The following CACNA1A variants were observed in gnomAD, a reference collection of about 807,000 sequenced individuals.
CACNA1A encodes calcium voltage-gated channel subunit alpha1 A.
Under a neutral mutation model 262.4 loss-of-function variants are expected in CACNA1A, and 57 were observed. The observed-to-expected ratio is 0.22, with a 90% CI of 0.18 to 0.27. CACNA1A has a LOEUF of 0.27. Among genes scored for constraint, CACNA1A ranks in the 10% least tolerant of loss-of-function variants. The pLI, the probability that CACNA1A is intolerant of heterozygous loss-of-function variation, is 1.00. For missense variants in CACNA1A, 2,526 were observed against 3,562.8 expected (o/e 0.71, Z 7.41); for synonymous variants, 1,431 against 1,419.3 (o/e 1.01, Z -0.18).
At position 13,206,944 on chromosome 19, in the gene CACNA1A, G is replaced by GTTTTTTTTTTTTTTTTTTT. The variant is rs532268839; in HGVS notation, c.*350_*368dup. 1.5e-5 allele frequency: 1 copy of GTTTTTTTTTTTTTTTTTTT among 65,112 alleles called. No individual in the cohort carries two copies. The highest frequency in any genetic ancestry group is 2.7e-5 in the Non-Finnish European group (1 of 37,604). The allele number at this position is 65,112 out of a possible 1,614,324, so 4.0% of individuals were successfully genotyped here. A position where few individuals can be genotyped will look rare whatever the true frequency, so the allele number is the denominator to read the frequency against. ...TCTCCCCGTTTTTTCTTTTAAAAAT[G>GTTTTTTTTTTTTTTTTTTT]TTTTTTTTTTTTTTTTTTTTTTTTT... On this transcript the variant is annotated 3_prime_UTR_variant, in exon 47 of 47. Transcript: ENST00000360228.
chr19:13,413,608 T>G (rs1599398472), intron 3 of CACNA1A, among the ~76,000 whole-genome samples: 6 of 127,368 alleles, frequency 4.7e-5, no homozygotes, highest in African/African-American at 6.0e-5. Flanking sequence ...CCAGGCACAG[T>G]GGCTCACACC....
At chr19:13,311,611 G>A (rs1246020436) in intron 12 of CACNA1A, among the ~76,000 whole-genome samples, 1 of 152,330 alleles carries the variant, frequency 6.6e-6, no homozygotes, top group Admixed American at 6.5e-5. Flanking sequence ...GCCAAGGCGG[G>A]TGGATCACGA....
At chr19:13,489,127 TCA>T (rs1980442363) in intron 1 of CACNA1A, among the ~76,000 whole-genome samples, 1 of 145,844 alleles carries the variant, frequency 6.9e-6, no homozygotes, top group Non-Finnish European at 1.5e-5. Flanking sequence ...TTCTCCTGCC[TCA>T]GTCTCCCGAG....
At chr19:13,488,944 T>G (rs1346519215) in intron 1 of CACNA1A, among the ~76,000 whole-genome samples, 1 of 151,608 alleles carries the variant, frequency 6.6e-6, no homozygotes, top group Non-Finnish European at 1.5e-5. Flanking sequence ...ATCGGGCACT[T>G]CAAATGTGGC....
At position 13,415,457 on chromosome 19, in the gene CACNA1A, G is replaced by T. The variant is rs557780904; in HGVS notation, c.539+37419C>A. Among the ~76,000 whole-genome samples, 12 of 151,884 alleles carry T rather than the reference G, an allele frequency of 7.9e-5. No homozygotes were observed. The East Asian group carries it at 2.3e-3, about 29-fold the overall frequency. ...TGGGTCATAACATTTAGAACTAGAT[G>T]AGGCCAGGCGTGGTGGCTCACACCT... On this transcript the variant is annotated intron_variant, in intron 3 of 46. Transcript: ENST00000360228.
At chr19:13,295,231 A>G (rs966133929) in intron 19 of CACNA1A, among the ~76,000 whole-genome samples, 2 of 152,216 alleles carry the variant, frequency 1.3e-5, no homozygotes, top group African/African-American at 2.4e-5. Flanking sequence ...CGAAAGAATG[A>G]CCTAGAACAA....
At chr19:13,254,269 G>C (rs1438362772) in intron 29 of CACNA1A, among the ~76,000 whole-genome samples, 13 of 152,128 alleles carry the variant, frequency 8.5e-5, no homozygotes. Flanking sequence ...AGCACAGGGT[G>C]AAAGGTTTTC....
intron 6 of CACNA1A, among the ~76,000 whole-genome samples, chr19:13,350,848 T>C (rs1026365068): frequency 8.5e-5 from 13 of 152,168 alleles, no homozygotes; most frequent in African/African-American, 3.1e-4. Context: ...ACCAAAAAAA[T>C]ACAATTAGCT....
At chr19:13,365,190 T>C (rs1453382357) in intron 5 of CACNA1A, 127 bp downstream of exon 5, 3 of 770,878 alleles carry the variant, frequency 3.9e-6, no homozygotes, top group Non-Finnish European at 6.5e-6. Flanking sequence ...GCCTCTCCTG[T>C]AGTGCTCTCT....
At chr19:13,353,069 G>A (rs2058944217) in intron 6 of CACNA1A, among the ~76,000 whole-genome samples, 1 of 151,880 alleles carries the variant, frequency 6.6e-6, no homozygotes, top group Non-Finnish European at 1.5e-5. Context: ...CACCATGCCT[G>A]GCCTCCTTGA....
chr19:13,251,680 T>C (rs966673840), intron 30 of CACNA1A, among the ~76,000 whole-genome samples: 3 of 152,208 alleles, frequency 2.0e-5, no homozygotes, highest in Admixed American at 6.5e-5. Context: ...TTGATAATAC[T>C]AATACTAAGG....
chr19:13,253,508 C>A (rs1329714898), intron 29 of CACNA1A, among the ~76,000 whole-genome samples: 1 of 132,174 alleles, frequency 7.6e-6, no homozygotes, highest in Non-Finnish European at 1.5e-5. Flanking sequence ...TGCAGTGGCG[C>A]GATCTCGGCT....
chr19:13,304,402 G>A lies in CACNA1A; in HGVS notation c.1987-518C>T, dbSNP rs980543043. On this transcript the variant is annotated intron_variant, in intron 15 of 46. Transcript: ENST00000360228. ...CCAGCACTTTGGGAGGCCAAGGTGG[G>A]AGGATCACTTGAGCCCAGGAGTTCA... is the stretch of plus-strand genomic sequence containing the variant. 5.9e-5 allele frequency among the ~76,000 whole-genome samples: 9 copies of A among 152,066 alleles called. No individual in the cohort carries two copies. The East Asian group carries it at 9.7e-4, about 16-fold the overall frequency.
intron 6 of CACNA1A, among the ~76,000 whole-genome samples, chr19:13,336,599 GAGAGA>G (rs1568547440): frequency 0.023 from 2,743 of 121,634 alleles, 61 homozygotes; most frequent in South Asian, 0.12. Context: ...GAGAGGGAGA[GAGAGA>G]GAGAGAGAGA....
Position 13,262,787 on chromosome 19 carries a change from C to T in CACNA1A, c.4036G>A (p.Val1346Ile). ...KDINTIKSLR[V>I]LRVLRPLKTI... ...TTAAGAGGTCGTAGCACCCGGAGGA[C>T]TCGGAGGGATTTAATCGTGTTGATG... The change falls in exon 25 of 47, where the codon GTC becomes ATC. Residue 1346 changes from valine (V) to isoleucine (I), a missense_variant. Around this residue, in one of 17 missense-constraint regions of CACNA1A, gnomAD observed 137 missense variants for 377.7 expected, o/e 0.36. Coordinates refer to ENST00000360228, the MANE Select transcript of CACNA1A (RefSeq NM_001127222.2). 2 of 1,613,700 alleles carry T rather than the reference C, an allele frequency of 1.2e-6. No individual in the cohort carries two copies. Among genetic ancestry groups the T allele is most frequent in the Non-Finnish European group, 8.5e-7 (1 of 1,179,758 alleles).
chr19:13,238,663 G>A (rs2055963031), intron 31 of CACNA1A, among the ~76,000 whole-genome samples: 1 of 150,882 alleles, frequency 6.6e-6, no homozygotes, highest in Admixed American at 6.6e-5. Flanking sequence ...TCGGCTCACT[G>A]CAACCTCCAC....
At chr19:13,502,231 C>T (rs1982466994) in intron 1 of CACNA1A, among the ~76,000 whole-genome samples, 1 of 151,380 alleles carries the variant, frequency 6.6e-6, no homozygotes, top group African/African-American at 2.4e-5. Flanking sequence ...GTGATGTCAC[C>T]TGATGTCAAT....
In CACNA1A at chr19:13,241,611, T is replaced by C; in HGVS notation, c.4950+3571A>G. ...GTTCAGCATTTTTTAGGTTGATTTG[T>C]AACCAGTGCCAAAAAACCAATGGGT... is the stretch of plus-strand genomic sequence containing the variant. On this transcript the variant is annotated intron_variant, in intron 31 of 46. Transcript: ENST00000360228. This position sits in a 1 kb window ranked among gnomAD's most constrained non-coding sequence, Gnocchi z 4.0. 1.3e-6 allele frequency: 1 copy of C among 782,918 alleles called. No individual in the cohort carries two copies. Among genetic ancestry groups the C allele is most frequent in the Non-Finnish European group, 2.1e-6 (1 of 475,224 alleles). 48.5% of individuals were successfully genotyped at this position (782,918 alleles called of 1,614,324 possible). A position where few individuals can be genotyped will look rare whatever the true frequency, so the allele number is the denominator to read the frequency against.
chr19:13,491,114 G>A (rs191978021), intron 1 of CACNA1A, among the ~76,000 whole-genome samples: 4 of 152,338 alleles, frequency 2.6e-5, no homozygotes, highest in African/African-American at 9.6e-5. Context: ...CAACCTCTCT[G>A]GAATGCAAAT....
Sources: allele counts gnomAD v4.1 joint callset (sites outside exome capture counted in the v4.1 genomes callset), GRCh38; gene constraint gnomAD v4.1.1; regional missense constraint gnomAD v4.1.1; non-coding constraint Gnocchi (gnomAD v3.1); transcripts MANE v1.5; gene names NCBI Gene and HGNC (gene_info 2026-07-23, HGNC 2026-07-21).